MTUS2: variants seen among roughly 807,000 people sequenced by gnomAD.
MTUS2 encodes microtubule-associated tumor suppressor candidate 2.
MTUS2 carries 40 observed loss-of-function variants against 114.1 expected under a neutral mutation model. The observed-to-expected ratio is 0.35, with a 90% CI of 0.27 to 0.46. The LOEUF (loss-of-function observed/expected upper bound fraction) is 0.46, where lower values mean the gene tolerates loss of function less well. Ranked by LOEUF, MTUS2 falls within the 20% of genes least tolerant of loss-of-function variation. The pLI is 1.00. For synonymous variants in MTUS2, 688 were observed against 672.0 expected (o/e 1.02, Z -0.37); for missense variants, 1,679 against 1,705.4 (o/e 0.98, Z 0.27).
chr13:29,359,812 G>A (rs944703702), intron 8 of MTUS2, among the ~76,000 whole-genome samples: 1 of 152,128 alleles, frequency 6.6e-6, no homozygotes, highest in East Asian at 1.9e-4. Context: ...TTGCATTTTC[G>A]AGGGGAGATG....
intron 4 of MTUS2, among the ~76,000 whole-genome samples, chr13:29,038,542 T>TCTGACCC (rs1193890818): frequency 2.0e-5 from 3 of 152,218 alleles, no homozygotes; most frequent in Admixed American, 6.5e-5. Flanking sequence ...GAGGAGGCAG[T>TCTGACCC]CTGACCCTTA....
chr13:28,831,601 T>C (rs1388409375), intron 1 of MTUS2, among the ~76,000 whole-genome samples: 1 of 152,128 alleles, frequency 6.6e-6, no homozygotes, highest in African/African-American at 2.4e-5. Context: ...AAGTCAAATA[T>C]GAGCATGCAT....
chr13:28,931,190 G>A (rs986854025), intron 2 of MTUS2, among the ~76,000 whole-genome samples: 2 of 152,120 alleles, frequency 1.3e-5, no homozygotes, highest in African/African-American at 4.8e-5. Context: ...CTGTATCCTC[G>A]GGTTCTGCAT....
chr13:29,213,782 A>T (rs1040174588), intron 5 of MTUS2, among the ~76,000 whole-genome samples: 2 of 152,200 alleles, frequency 1.3e-5, no homozygotes, highest in African/African-American at 4.8e-5. Context: ...CCCATCTGAA[A>T]TCTCTGCCTT....
intron 2 of MTUS2, among the ~76,000 whole-genome samples, chr13:28,973,344 G>A (rs1014337945): frequency 6.6e-5 from 10 of 152,158 alleles, no homozygotes; most frequent in African/African-American, 2.4e-4. Flanking sequence ...TATTATAAGG[G>A]TAAGTTTTGT....
chr13:29,386,105 TACTC>T (rs761728640), intron 8 of MTUS2, among the ~76,000 whole-genome samples: 3 of 152,212 alleles, frequency 2.0e-5, no homozygotes, highest in Non-Finnish European at 4.4e-5. Context: ...GAGAATGCAT[TACTC>T]AATCCATGCA....
chr13:29,013,861 TTCTG>T (rs1334116132), intron 2 of MTUS2, among the ~76,000 whole-genome samples: 2 of 152,226 alleles, frequency 1.3e-5, no homozygotes, highest in African/African-American at 2.4e-5. Context: ...CAATTGGAAT[TTCTG>T]TCTTTTTCTT....
intron 2 of MTUS2, among the ~76,000 whole-genome samples, chr13:28,914,589 A>G (rs1375941880): frequency 2.6e-5 from 4 of 152,070 alleles, no homozygotes; most frequent in African/African-American, 9.7e-5. Context: ...AGTTTTGTAG[A>G]TATTTATCAG....
At chr13:29,469,699 T>C (rs1880136220) in intron 9 of MTUS2, among the ~76,000 whole-genome samples, 2 of 149,212 alleles carry the variant, frequency 1.3e-5, no homozygotes, top group African/African-American at 5.0e-5. Flanking sequence ...CCCAGAAATT[T>C]GGAAGGCCAA....
chr13:29,109,337 G>A (rs931141363), intron 5 of MTUS2, among the ~76,000 whole-genome samples: 3 of 152,084 alleles, frequency 2.0e-5, no homozygotes, highest in African/African-American at 7.2e-5. Flanking sequence ...GAACATTTAA[G>A]ATCTATCTTC....
chr13:28,822,912 A>G (rs1002389588), intron 1 of MTUS2, among the ~76,000 whole-genome samples: 3 of 152,244 alleles, frequency 2.0e-5, no homozygotes, highest in African/African-American at 7.2e-5. Context: ...GCAAACTGCT[A>G]TAACCTAGGG....
intron 8 of MTUS2, among the ~76,000 whole-genome samples, chr13:29,436,819 CTT>C (rs10715829): frequency 0.011 from 1,455 of 137,230 alleles, 9 homozygotes; most frequent in Middle Eastern, 0.026. Context: ...TCTTTTCTTG[CTT>C]TTTTTTTTTT....
chr13:28,960,507 A>T (rs1360677884), intron 2 of MTUS2, among the ~76,000 whole-genome samples: 1 of 152,222 alleles, frequency 6.6e-6, no homozygotes. Context: ...CATACAATTG[A>T]ATGTTATTCA....
intron 2 of MTUS2, among the ~76,000 whole-genome samples, chr13:28,894,343 A>AGAGAGT (rs1879135302): frequency 1.1e-5 from 1 of 93,620 alleles, no homozygotes; most frequent in African/African-American, 5.3e-5. Flanking sequence ...AGAGAGAGAG[A>AGAGAGT]GAGAGAGTGA....
chr13:28,960,945 G>A (rs1230336394), intron 2 of MTUS2, among the ~76,000 whole-genome samples: 1 of 151,972 alleles, frequency 6.6e-6, no homozygotes, highest in African/African-American at 2.4e-5. Context: ...AGAAATGGAT[G>A]ATATAAAGAA....
chr13:28,968,471 CTAT>C (rs1883701700), intron 2 of MTUS2, among the ~76,000 whole-genome samples: 1 of 152,068 alleles, frequency 6.6e-6, no homozygotes, highest in Non-Finnish European at 1.5e-5. Context: ...TTATTTTGCA[CTAT>C]TATTAAATGC....
At chr13:28,990,166 G>A (rs1884767847) in intron 2 of MTUS2, among the ~76,000 whole-genome samples, 1 of 152,178 alleles carries the variant, frequency 6.6e-6, no homozygotes, top group Admixed American at 6.5e-5. Flanking sequence ...GAGGTGTGGG[G>A]AATTACAGGC....
intron 5 of MTUS2, among the ~76,000 whole-genome samples, chr13:29,233,412 C>A (rs960533684): frequency 1.6e-4 from 25 of 152,122 alleles, no homozygotes; most frequent in African/African-American, 6.0e-4. Context: ...AGTGTACCCA[C>A]CGTGAAGTCT....
At chr13:28,898,939 C>T (rs1201233549) in intron 2 of MTUS2, among the ~76,000 whole-genome samples, 9 of 152,174 alleles carry the variant, frequency 5.9e-5, no homozygotes, top group African/African-American at 2.2e-4. Context: ...CACAAAGACT[C>T]GATGAAGATG....
Sources: gnomAD v4.1 joint callset for allele counts (sites outside exome capture counted in the v4.1 genomes callset) on GRCh38, gnomAD v4.1.1 for gene constraint, MANE v1.5 for transcripts, NCBI Gene and HGNC (gene_info 2026-07-23, HGNC 2026-07-21) for gene names.